Variants in SCG3 observed in about 807,000 individuals in gnomAD.
SCG3 encodes the protein secretogranin III, also known as secretogranin-3.
A neutral mutation model predicts 56.2 loss-of-function variants in SCG3; 38 were observed. That is an observed-to-expected ratio of 0.68 (90% confidence interval 0.52 to 0.89). The LOEUF is 0.89. Ranked by LOEUF, SCG3 falls within the 40% of genes least tolerant of loss-of-function variation. SCG3 has a pLI of 0.00. For missense variants in SCG3, 524 were observed against 540.7 expected (o/e 0.97, Z 0.31); for synonymous variants, 176 against 184.2 (o/e 0.96, Z 0.36).
intron 9 of SCG3, among the ~76,000 whole-genome samples, chr15:51,700,178 A>G (rs2055330067): frequency 6.6e-6 from 1 of 152,198 alleles, no homozygotes; most frequent in Non-Finnish European, 1.5e-5. Context: ...TTCCATAATA[A>G]TGTAATGACA....
intron 10 of SCG3, among the ~76,000 whole-genome samples, chr15:51,709,680 T>TATA (rs1253774893): frequency 7.8e-5 from 1 of 12,772 alleles, no homozygotes; most frequent in African/African-American, 2.4e-4. Flanking sequence ...TATATATATA[T>TATA]ATATATATAT....
At chr15:51,705,410 T>C (rs898321626) in intron 10 of SCG3, among the ~76,000 whole-genome samples, 1 of 152,152 alleles carries the variant, frequency 6.6e-6, no homozygotes, top group South Asian at 2.1e-4. Context: ...AGGATGTGAG[T>C]GTTTGGAGAC....
chr15:51,709,205 C>G (rs958182144), intron 10 of SCG3, among the ~76,000 whole-genome samples: 1 of 152,066 alleles, frequency 6.6e-6, no homozygotes, highest in Non-Finnish European at 1.5e-5. Context: ...GGGAAAAGCC[C>G]CTTACGTAAC....
chr15:51,704,276 T>TATATATATATATATAA (rs2055359354), intron 10 of SCG3, among the ~76,000 whole-genome samples: 2 of 133,158 alleles, frequency 1.5e-5, no homozygotes, highest in South Asian at 4.7e-4. Flanking sequence ...TATATATATA[T>TATATATATATATATAA]ATAAAATAGC....
At chr15:51,710,331 C>T (rs1340020014) in intron 10 of SCG3, among the ~76,000 whole-genome samples, 2 of 152,038 alleles carry the variant, frequency 1.3e-5, no homozygotes, top group Non-Finnish European at 2.9e-5. Context: ...AGGAGAATGA[C>T]GGGGTGTTCT....
chr15:51,682,425 AT>A, intron 1 of SCG3, 91 bp from the exon 2 acceptor site: 1 of 615,312 alleles, frequency 1.6e-6, no homozygotes, highest in Admixed American at 3.5e-5. Context: ...TTCTCCTAAT[AT>A]TTTTCCTTTT....
At chr15:51,708,573 T>C (rs2055390439) in intron 10 of SCG3, among the ~76,000 whole-genome samples, 1 of 152,172 alleles carries the variant, frequency 6.6e-6, no homozygotes, top group East Asian at 1.9e-4. Flanking sequence ...AACAACTGCC[T>C]TGCCGGGCGC....
Position 51,720,438 on chromosome 15 carries a change from C to T in SCG3, c.*912C>T, listed in dbSNP as rs2055488945. On this transcript the variant is annotated 3_prime_UTR_variant, in exon 12 of 12. Transcript: ENST00000220478. ...AACTTCAGGTCCCTGCAACTCAGCC[C>T]CCACCACAAACACAGCCCTGGAAAC... The T allele has an allele frequency of 6.6e-6, 1 of 152,240 alleles. No homozygotes were observed. The highest frequency in any genetic ancestry group is 6.5e-5 in the Admixed American group (1 of 15,282). The allele number at this position is 152,240 out of a possible 1,614,324, so 9.4% of individuals were successfully genotyped here.
intron 8 of SCG3, among the ~76,000 whole-genome samples, chr15:51,697,132 C>CTGTGTG (rs3078107): frequency 0.23 from 33,068 of 145,812 alleles, 3,829 homozygotes; most frequent in East Asian, 0.48. Flanking sequence ...AGATGTTATT[C>CTGTGTG]TGTGTGTGTG....
rs775630740 is a variant in SCG3 at position 51,713,808 on chromosome 15, T to C, written c.1288+395T>C. ...AGCACAAATTTTGTGCACCCTGCAG[T>C]CACAAAAGCAGTCACTCGCTTACAT... On this transcript the variant is annotated intron_variant, in intron 11 of 11. Coordinates refer to ENST00000220478, the MANE Select transcript of SCG3 (RefSeq NM_013243.4). Among the ~76,000 whole-genome samples, 123 of 152,232 alleles carry C rather than the reference T, an allele frequency of 8.1e-4. 2 individuals are homozygous for C. The highest frequency in any genetic ancestry group is 1.2e-3 in the Non-Finnish European group (85 of 68,004).
chr15:51,692,226 TA>T lies in SCG3; in HGVS notation c.760del (p.Thr254ProfsTer2). The T allele has an allele frequency of 6.2e-7, 1 of 1,614,098 alleles. No individual in the cohort carries two copies. Among genetic ancestry groups the T allele is most frequent in the South Asian group, 1.1e-5 (1 of 91,066 alleles). On this transcript the variant is annotated frameshift_variant, in exon 7 of 12. Transcript: ENST00000220478. LOFTEE classifies it high-confidence loss of function. ...AACGATGAAACAGTATCTAACACAT[TA>T]ACCTTGACAAATGGCTTGGAAAGGA... ...GENDETVSNT[L>X]TLTNGLERRT...
At chr15:51,693,974 A>T (rs1378516685) in intron 7 of SCG3, 2 of 152,220 alleles carry the variant, frequency 1.3e-5, no homozygotes, top group African/African-American at 4.8e-5. Flanking sequence ...GTTACTATTT[A>T]TCAGTTCTTT....
chr15:51,713,966 G>A (rs753711664), intron 11 of SCG3, among the ~76,000 whole-genome samples: 2 of 152,206 alleles, frequency 1.3e-5, no homozygotes, highest in Non-Finnish European at 2.9e-5. Flanking sequence ...CCAAGGAGGT[G>A]AGAAGATGGG....
At chr15:51,687,220 T>C (rs1203227155) in intron 4 of SCG3, among the ~76,000 whole-genome samples, 1 of 152,216 alleles carries the variant, frequency 6.6e-6, no homozygotes, top group East Asian at 1.9e-4. Context: ...TTACTTTTAA[T>C]GGCACAACAA....
chr15:51,687,063 G>A (rs2055233899), intron 4 of SCG3, among the ~76,000 whole-genome samples: 1 of 152,190 alleles, frequency 6.6e-6, no homozygotes, highest in African/African-American at 2.4e-5. Context: ...TGTCTGGGCA[G>A]AATCTGGCCG....
Position 51,681,838 on chromosome 15 carries a change from G to T in SCG3, c.82+1G>T. The T allele has an allele frequency of 6.2e-7, 1 of 1,612,880 alleles. No individual in the cohort carries two copies. The highest frequency in any genetic ancestry group is 8.5e-7 in the Non-Finnish European group (1 of 1,178,936). On this transcript the variant is annotated splice_donor_variant, in intron 1 of 11. Coordinates refer to ENST00000220478, the MANE Select transcript of SCG3 (RefSeq NM_013243.4). LOFTEE classifies it high-confidence loss of function. The stretch of plus-strand genomic sequence containing the variant: ...TTCCCCAAACCTGGAGGAAGCCAAG[G>T]TATGTGAACACTTTTCTTCTTCCTA...
intron 10 of SCG3, among the ~76,000 whole-genome samples, chr15:51,706,972 T>G (rs1261969943): frequency 6.6e-6 from 1 of 152,208 alleles, no homozygotes; most frequent in Non-Finnish European, 1.5e-5. Flanking sequence ...TTATTCTAAC[T>G]TCAACCAAAT....
At chr15:51,705,425 G>A (rs1419663767) in intron 10 of SCG3, among the ~76,000 whole-genome samples, 1 of 152,180 alleles carries the variant, frequency 6.6e-6, no homozygotes, top group Non-Finnish European at 1.5e-5. Context: ...GGAGACCAAT[G>A]ATAAGAGTGG....
chr15:51,714,270 T>C (rs1001402161), intron 11 of SCG3, among the ~76,000 whole-genome samples: 4 of 152,100 alleles, frequency 2.6e-5, no homozygotes, highest in Admixed American at 1.3e-4. Flanking sequence ...CAAGGGAGCC[T>C]AAATTGGGGC....
Sources: allele counts gnomAD v4.1 joint callset (sites outside exome capture counted in the v4.1 genomes callset), GRCh38; gene constraint gnomAD v4.1.1; transcripts MANE v1.5; gene names NCBI Gene and HGNC (gene_info 2026-07-23, HGNC 2026-07-21).